CPA6: variants seen among roughly 807,000 people sequenced by gnomAD.
CPA6 encodes carboxypeptidase A6, also known as carboxypeptidase B.
A neutral mutation model predicts 63.3 loss-of-function variants in CPA6; 58 were observed. The ratio of observed to expected loss-of-function variants is 0.92; its 90% confidence interval spans 0.74 to 1.14. The LOEUF is 1.14. Ranked by LOEUF, CPA6 falls within the 50% of genes most tolerant of loss-of-function variation. The pLI is 0.00. For missense variants in CPA6, 565 were observed against 526.6 expected (o/e 1.07, Z -0.71); for synonymous variants, 185 against 179.0 (o/e 1.03, Z -0.27).
intron 2 of CPA6, among the ~76,000 whole-genome samples, chr8:67,565,152 G>A (rs1402815650): frequency 7.2e-6 from 1 of 139,416 alleles, no homozygotes; most frequent in Non-Finnish European, 1.6e-5. Context: ...CTATGCCACA[G>A]CGTTTTTCTT....
intron 1 of CPA6, among the ~76,000 whole-genome samples, chr8:67,629,183 C>T (rs976551840): frequency 2.6e-5 from 4 of 151,866 alleles, no homozygotes; most frequent in African/African-American, 9.7e-5. Context: ...AATAAAGACC[C>T]ATAGCTGGGT....
chr8:67,518,179 C>A, intron 2 of CPA6, 132 bp from the exon 3 acceptor site: 1 of 745,832 alleles, frequency 1.3e-6, no homozygotes, highest in Non-Finnish European at 2.0e-6. Flanking sequence ...TTAATGCTTG[C>A]ATCATCAGGG....
chr8:67,455,135 A>C (rs1810642374), intron 8 of CPA6, among the ~76,000 whole-genome samples: 1 of 152,212 alleles, frequency 6.6e-6, no homozygotes, highest in South Asian at 2.1e-4. Context: ...TGGATGATAT[A>C]ATAAGATGTA....
chr8:67,663,159 C>T (rs1295301318), intron 1 of CPA6, among the ~76,000 whole-genome samples: 1 of 152,140 alleles, frequency 6.6e-6, no homozygotes, highest in African/African-American at 2.4e-5. Flanking sequence ...TTAACTAACT[C>T]AGAGAAAAAC....
chr8:67,583,895 T>A (rs1813845807), intron 2 of CPA6, among the ~76,000 whole-genome samples: 1 of 152,146 alleles, frequency 6.6e-6, no homozygotes. Context: ...CAGTGGCTTA[T>A]GCCTGTAATC....
At chr8:67,497,695 A>G in intron 6 of CPA6, among the ~76,000 whole-genome samples, 1 of 148,026 alleles carries the variant, frequency 6.8e-6, no homozygotes, top group South Asian at 2.1e-4. Flanking sequence ...AGTTTCCTCT[A>G]CTTTTTTTTT....
intron 8 of CPA6, among the ~76,000 whole-genome samples, chr8:67,448,280 C>T (rs1424546205): frequency 6.6e-6 from 1 of 152,148 alleles, no homozygotes; most frequent in African/African-American, 2.4e-5. Flanking sequence ...TTTATTCAAT[C>T]ATTTATGGCA....
chr8:67,550,503 T>C (rs1374624546), intron 2 of CPA6, among the ~76,000 whole-genome samples: 1 of 152,240 alleles, frequency 6.6e-6, no homozygotes, highest in Non-Finnish European at 1.5e-5. Context: ...ACAATGAATA[T>C]GTGAGTGCAT....
At chr8:67,742,424 C>T (rs1196055486) in intron 1 of CPA6, among the ~76,000 whole-genome samples, 1 of 152,160 alleles carries the variant, frequency 6.6e-6, no homozygotes, top group Non-Finnish European at 1.5e-5. Context: ...GTGGTGGAGT[C>T]AGGCAGAGCT....
chr8:67,662,312 C>T (rs761845920), intron 1 of CPA6, among the ~76,000 whole-genome samples: 2 of 152,122 alleles, frequency 1.3e-5, no homozygotes, highest in Non-Finnish European at 2.9e-5. Context: ...CTGTCTCCAT[C>T]TTGAGTACCA....
At chr8:67,475,767 C>CTCTTTCTTTCTTTCTTTCTT (rs71253008) in intron 8 of CPA6, among the ~76,000 whole-genome samples, 3 of 71,602 alleles carry the variant, frequency 4.2e-5, no homozygotes, top group Admixed American at 1.6e-4. Context: ...TTCTTTCTTT[C>CTCTTTCTTTCTTTCTTTCTT]TCTTTCTTTC....
intron 2 of CPA6, among the ~76,000 whole-genome samples, chr8:67,597,297 C>T (rs1330122307): frequency 4.6e-5 from 7 of 150,668 alleles, no homozygotes; most frequent in African/African-American, 1.7e-4. Flanking sequence ...CTCCCAGGTT[C>T]AAGCAATTCT....
chr8:67,448,850 C>G (rs1033633636), intron 8 of CPA6, among the ~76,000 whole-genome samples: 1 of 151,818 alleles, frequency 6.6e-6, no homozygotes, highest in South Asian at 2.1e-4. Flanking sequence ...ATAATGTTAT[C>G]AATCATCCCT....
chr8:67,744,659 C>T (rs560957066), intron 1 of CPA6, among the ~76,000 whole-genome samples: 4 of 152,108 alleles, frequency 2.6e-5, no homozygotes, highest in African/African-American at 4.8e-5. Flanking sequence ...AGAATTAAGT[C>T]CCCCACAACC....
intron 2 of CPA6, among the ~76,000 whole-genome samples, chr8:67,584,476 T>A (rs1185695543): frequency 1.3e-5 from 2 of 152,224 alleles, no homozygotes; most frequent in East Asian, 3.8e-4. Context: ...GTGACTATTA[T>A]AAGGCCTAGC....
chr8:67,480,777 A>G (rs1811341700), intron 8 of CPA6, among the ~76,000 whole-genome samples: 2 of 152,304 alleles, frequency 1.3e-5, no homozygotes, highest in South Asian at 4.1e-4. Flanking sequence ...AGCATTTTAC[A>G]TTCTCACCAG....
chr8:67,619,373 C>T (rs1326845141), intron 2 of CPA6, among the ~76,000 whole-genome samples: 1 of 152,212 alleles, frequency 6.6e-6, no homozygotes, highest in Non-Finnish European at 1.5e-5. Context: ...CACAGTTCTG[C>T]AGGTCAGAAG....
At chr8:67,734,704 C>T (rs148151339) in intron 1 of CPA6, among the ~76,000 whole-genome samples, 71 of 152,220 alleles carry the variant, frequency 4.7e-4, no homozygotes, top group African/African-American at 1.4e-3. Context: ...AGTTTTGATG[C>T]CAAATATATT....
At chr8:67,475,886 CTT>C (rs1360249256) in intron 8 of CPA6, among the ~76,000 whole-genome samples, 380 of 33,764 alleles carry the variant, frequency 0.011, 7 homozygotes, top group African/African-American at 0.02. Flanking sequence ...TTTCTCCTTT[CTT>C]TCTTTCTTTC....
Sources: gnomAD v4.1 joint callset for allele counts (sites outside exome capture counted in the v4.1 genomes callset) on GRCh38, gnomAD v4.1.1 for gene constraint, MANE v1.5 for transcripts, NCBI Gene and HGNC (gene_info 2026-07-23, HGNC 2026-07-21) for gene names.